RCN1: variants seen among roughly 807,000 people sequenced by gnomAD.
RCN1 encodes the protein reticulocalbin-1.
A neutral mutation model predicts 34.7 loss-of-function variants in RCN1; 14 were observed. The observed-to-expected ratio is 0.40, with a 90% CI of 0.27 to 0.63. The LOEUF is 0.63. Ranked by LOEUF, RCN1 falls within the 30% of genes least tolerant of loss-of-function variation. The pLI is 0.37. For missense variants in RCN1, 326 were observed against 425.1 expected (o/e 0.77, Z 2.05); for synonymous variants, 125 against 165.5 (o/e 0.76, Z 1.88).
intron 3 of RCN1, 148 bp from the exon 4 acceptor site, chr11:32,100,399 TA>T: frequency 1.5e-6 from 1 of 646,548 alleles, no homozygotes; most frequent in Non-Finnish European, 2.8e-6. Context: ...TTTTTACAGA[TA>T]AAAAACTAGT....
intron 3 of RCN1, among the ~76,000 whole-genome samples, chr11:32,099,086 G>A (rs1317512375): frequency 6.6e-6 from 1 of 152,126 alleles, no homozygotes; most frequent in Non-Finnish European, 1.5e-5. Context: ...TTGGGAGGCC[G>A]AGGCAGGCGG....
intron 3 of RCN1, 124 bp downstream of exon 3, chr11:32,098,652 A>G: frequency 1.3e-6 from 1 of 796,486 alleles, no homozygotes; most frequent in Admixed American, 3.2e-5. Flanking sequence ...TCTGAAGTAG[A>G]GTTTGTTGGA....
At position 32,097,141 on chromosome 11, in the gene RCN1, C is replaced by T. The variant is rs200171377; in HGVS notation, c.255-3C>T. On this transcript the variant is annotated splice_polypyrimidine_tract_variant and splice_region_variant and intron_variant, in intron 1 of 5. Coordinates refer to ENST00000054950, the MANE Select transcript of RCN1 (RefSeq NM_002901.4). ...TTTCTTTTTTTTTTTTTTTGTACTGCAGGAAGATTGTTGATCGAATCGACA... is the reference window on the plus strand; with the variant it reads ...TTTCTTTTTTTTTTTTTTTGTACTGTAGGAAGATTGTTGATCGAATCGACA... 382 of 1,446,488 alleles carry T rather than the reference C, an allele frequency of 2.6e-4. 3 individuals are homozygous for T. In the East Asian group the frequency reaches 9.4e-3, roughly 35 times the overall value. 89.6% of individuals were successfully genotyped at this position (1,446,488 alleles called of 1,614,324 possible).
At chr11:32,095,238 G>T (rs1851959814) in intron 1 of RCN1, among the ~76,000 whole-genome samples, 1 of 127,418 alleles carries the variant, frequency 7.8e-6, no homozygotes, top group African/African-American at 3.0e-5. Flanking sequence ...GAAGTTTCAT[G>T]TTTTAGTCTT....
At chr11:32,091,523 G>T (rs1037819393) in intron 1 of RCN1, 73 bp downstream of exon 1, 15 of 1,496,572 alleles carry the variant, frequency 1.0e-5, no homozygotes, top group Non-Finnish European at 1.3e-5. Flanking sequence ...AGCCACGCGG[G>T]ATACCACCGC....
At chr11:32,091,895 C>G (rs1851925961) in intron 1 of RCN1, 1 of 183,780 alleles carries the variant, frequency 5.4e-6, no homozygotes, top group Admixed American at 6.4e-5. Flanking sequence ...AAGAAAATCT[C>G]AGGGATGAAC....
chr11:32,091,451 G>T lies in RCN1; in HGVS notation c.254+1G>T. 1 of 1,542,536 alleles carries T rather than the reference G, an allele frequency of 6.5e-7. No individual in the cohort carries two copies. Among genetic ancestry groups the T allele is most frequent in the Non-Finnish European group, 8.7e-7 (1 of 1,143,524 alleles). On this transcript the variant is annotated splice_donor_variant, in intron 1 of 5. Transcript: ENST00000054950. LOFTEE classifies it high-confidence loss of function. ...CGGACGAGAGCAAGGAGAGGCTAGGGTGAGGCCGCGGCCAGGGCCCCGTGG... is the reference window on the plus strand; with the variant it reads ...CGGACGAGAGCAAGGAGAGGCTAGGTTGAGGCCGCGGCCAGGGCCCCGTGG...
At chr11:32,103,523 T>C in intron 5 of RCN1, 43 bp downstream of exon 5, 4 of 1,554,374 alleles carry the variant, frequency 2.6e-6, no homozygotes, top group Non-Finnish European at 3.6e-6. Context: ...AGGGAGACAG[T>C]TTACATAAGA....
At chr11:32,096,939 T>C in intron 1 of RCN1, 3 of 502,620 alleles carry the variant, frequency 6.0e-6, no homozygotes, top group Non-Finnish European at 1.0e-5. Flanking sequence ...TCAGCACTGG[T>C]TGGGGGAAAG....
intron 1 of RCN1, chr11:32,096,607 A>AC (rs1851975174): frequency 2.5e-5 from 2 of 78,690 alleles, no homozygotes; most frequent in Admixed American, 1.2e-4. Flanking sequence ...GGGATTTAAA[A>AC]AAAAAAATCA....
chr11:32,102,106 G>C (rs757786451), intron 4 of RCN1: 1 of 152,174 alleles, frequency 6.6e-6, no homozygotes, highest in Non-Finnish European at 1.5e-5. Flanking sequence ...TTCACTTCTC[G>C]GGGAGGCTTC....
At position 32,104,600 on chromosome 11, in the gene RCN1, A is replaced by G. The variant is rs1852087037; in HGVS notation, c.*128A>G. On this transcript the variant is annotated 3_prime_UTR_variant, in exon 6 of 6. Transcript: ENST00000054950. ...GCAAGTTTATACCTCAGATTGGGGTATAAAAATTGTTTTTCGCTCAGTATT... is the reference window on the plus strand; with the variant it reads ...GCAAGTTTATACCTCAGATTGGGGTGTAAAAATTGTTTTTCGCTCAGTATT... 3 of 590,750 alleles carry G rather than the reference A, an allele frequency of 5.1e-6. No individual in the cohort carries two copies. The highest frequency in any genetic ancestry group is 9.0e-6 in the Non-Finnish European group (3 of 332,712). The allele number at this position is 590,750 out of a possible 1,614,324, so 36.6% of individuals were successfully genotyped here.
intron 1 of RCN1, 46 bp downstream of exon 1, chr11:32,091,496 A>C: frequency 6.6e-7 from 1 of 1,524,990 alleles, no homozygotes; most frequent in East Asian, 2.6e-5. Context: ...CAGGTGTCCG[A>C]GGGCCGCCTG....
At chr11:32,098,812 T>C (rs1852003531) in intron 3 of RCN1, among the ~76,000 whole-genome samples, 1 of 152,164 alleles carries the variant, frequency 6.6e-6, no homozygotes. Context: ...CCAGTTCTCC[T>C]CTAAGCACTC....
chr11:32,098,168 G>A (rs1851993938), intron 2 of RCN1, among the ~76,000 whole-genome samples, 182 bp from the exon 3 acceptor site: 1 of 152,184 alleles, frequency 6.6e-6, no homozygotes, highest in African/African-American at 2.4e-5. Context: ...CCTAGATTAT[G>A]GGGTGGCTTG....
rs1220210770 is a variant in RCN1, at chr11:32,091,358, G to C, written c.162G>C (p.Gln54His). Residue 54 changes from glutamine to histidine, a missense_variant, in exon 1 of 6, where the codon CAG (glutamine) becomes CAC (histidine). By Grantham distance (24) the Gln-to-His change is conservative. Coordinates refer to ENST00000054950, the MANE Select transcript of RCN1 (RefSeq NM_002901.4). ...GCGAGCGGCCCCCTGAGGACAACCA[G>C]AGCTTCCAGTACGACCACGAGGCCT... The part of the protein sequence containing the change: ...ELGERPPEDN[Q>H]SFQYDHEAFL... 6.5e-7 allele frequency: 1 copy of C among 1,549,540 alleles called. No homozygotes were observed. Among genetic ancestry groups the C allele is most frequent in the East Asian group, 2.4e-5 (1 of 40,864 alleles).
intron 2 of RCN1, 73 bp from the exon 3 acceptor site, chr11:32,098,277 T>C (rs1851995143): frequency 7.4e-7 from 1 of 1,352,322 alleles, no homozygotes; most frequent in Admixed American, 2.1e-5. Flanking sequence ...GCATGCAGGA[T>C]GAGTGATCTG....
In RCN1 at chr11:32,091,742, C is replaced by T. The variant is rs1009863842; in HGVS notation, c.254+292C>T. ...GACGGCGAGGGCCCGCCCCCTCCCC[C>T]AGGTTGCATCAGAAGGGAGGGGAGA... is the stretch of plus-strand genomic sequence containing the variant. On this transcript the variant is annotated intron_variant, in intron 1 of 5. Coordinates refer to ENST00000054950, the MANE Select transcript of RCN1 (RefSeq NM_002901.4). 72 of 445,662 alleles carry T rather than the reference C, an allele frequency of 1.6e-4. 1 individual carries two copies. In the South Asian group the frequency reaches 2.1e-3, roughly 13 times the overall value. The allele number at this position is 445,662 out of a possible 1,614,324, so 27.6% of individuals were successfully genotyped here. A position where few individuals can be genotyped will look rare whatever the true frequency, so the allele number is the denominator to read the frequency against.
chr11:32,091,476 G>A (rs1415125808), intron 1 of RCN1, 26 bp downstream of exon 1: 2 of 1,537,330 alleles, frequency 1.3e-6, no homozygotes, highest in African/African-American at 1.4e-5. Flanking sequence ...GGGCCCCGTG[G>A]GGGGCGGCGC....
Sources: gnomAD v4.1 joint callset for allele counts (sites outside exome capture counted in the v4.1 genomes callset) on GRCh38, gnomAD v4.1.1 for gene constraint, MANE v1.5 for transcripts, NCBI Gene and HGNC (gene_info 2026-07-23, HGNC 2026-07-21) for gene names.